The following QARS1 variants were observed in gnomAD, a reference collection of about 807,000 sequenced individuals.
QARS1 encodes the protein glutaminyl-tRNA synthetase 1.
Under a neutral mutation model 106.9 loss-of-function variants are expected in QARS1, and 79 were observed. The observed-to-expected ratio is 0.74, with a 90% CI of 0.62 to 0.89. The LOEUF (loss-of-function observed/expected upper bound fraction) is 0.89, where lower values mean the gene tolerates loss of function less well. QARS1 is among the 40% of genes least tolerant of loss of function. QARS1 has a pLI of 0.00. For missense variants in QARS1, 966 were observed against 997.2 expected (o/e 0.97, Z 0.42); for synonymous variants, 395 against 367.7 (o/e 1.07, Z -0.85).
At position 49,104,343 on chromosome 3, in the gene QARS1, G is replaced by T; in HGVS notation, c.246C>A (p.His82Gln). ...LVSYIASKKI[H>Q]TEPQLSAALE... ...TCTCACCGCTTAGCTGGGGCTCAGT[G>T]TGGATCTTCTTACTGGCTATGTAGC... Residue 82 changes from histidine to glutamine, a missense_variant, in exon 2 of 24, where the codon CAC (histidine) becomes CAA (glutamine). Coordinates refer to ENST00000306125, the MANE Select transcript of QARS1 (RefSeq NM_005051.3). 2 of 1,614,228 alleles carry T rather than the reference G, an allele frequency of 1.2e-6. No individual in the cohort carries two copies. The highest frequency in any genetic ancestry group is 3.3e-5 in the Admixed American group (2 of 60,030).
intron 10 of QARS1, 156 bp from the exon 11 acceptor site, chr3:49,100,830 A>G: frequency 1.4e-6 from 1 of 722,418 alleles, no homozygotes; most frequent in Non-Finnish European, 2.5e-6. Context: ...GGCTCACTGC[A>G]GCCTCCACCT....
rs1274012132 is a variant in QARS1 at position 49,098,744 on chromosome 3, G to T, written c.1864-52C>A. The T allele has an allele frequency of 1.1e-5, 17 of 1,528,362 alleles. 1 individual carries two copies. Among genetic ancestry groups the T allele is most frequent in the Non-Finnish European group, 1.5e-5 (17 of 1,124,272 alleles). 94.7% of individuals were successfully genotyped at this position (1,528,362 alleles called of 1,614,324 possible). ...ATGAGGCTGCAAGGGTCAAACAAGT[G>T]GGGAAGCTTCCCTACCCCCGTGTCT... On this transcript the variant is annotated intron_variant, in intron 19 of 23. Transcript: ENST00000306125.
At chr3:49,096,310 G>T (rs185650596) in intron 23 of QARS1, among the ~76,000 whole-genome samples, 8 of 152,342 alleles carry the variant, frequency 5.3e-5, no homozygotes, top group African/African-American at 1.7e-4. Context: ...TGGGGGTCCA[G>T]GGTATAGTTT....
chr3:49,098,381 T>G lies in QARS1; in HGVS notation c.2056A>C (p.Met686Leu). The change falls in exon 21 of 24, where the codon ATG (methionine) becomes CTG (leucine). Residue 686 changes from methionine to leucine, a missense_variant. By Grantham distance (15) the Met-to-Leu change is conservative. Transcript: ENST00000306125. ...CGCTCATAGAGGCGAACCTCACACA[T>G]CAAAGGCTGTGACACCCAGTGAATA... is the stretch of plus-strand genomic sequence containing the variant. ...AFIHWVSQPL[M>L]CEVRLYERLF... 6.2e-7 allele frequency: 1 copy of G among 1,614,068 alleles called. No individual in the cohort carries two copies. The highest frequency in any genetic ancestry group is 8.5e-7 in the Non-Finnish European group (1 of 1,179,998).
chr3:49,098,586 C>T lies in QARS1; in HGVS notation c.1956+14G>A. On this transcript the variant is annotated intron_variant, in intron 20 of 23. Transcript: ENST00000306125. ...AGCAGGCACTGCAGTAGGAAGGCTG[C>T]AGCTGGCTCTCACCTTGACAACATG... The T allele has an allele frequency of 1.2e-6, 2 of 1,607,494 alleles. No individual in the cohort carries two copies. Among genetic ancestry groups the T allele is most frequent in the South Asian group, 1.1e-5 (1 of 90,306 alleles).
chr3:49,098,809 T>G (rs2042426733), intron 19 of QARS1, 76 bp downstream of exon 19: 5 of 1,499,592 alleles, frequency 3.3e-6, no homozygotes, highest in African/African-American at 1.4e-5. Flanking sequence ...GTAGATGGAC[T>G]GACAGAGATG....
At position 49,099,767 on chromosome 3, in the gene QARS1, T is replaced by C. The variant is rs1034806136; in HGVS notation, c.1382A>G (p.Gln461Arg). Reference sequence around the variant, plus strand: ...ATGGACCCAGCTCCCTCACCGGGCCTGGAATTCCTTGGTGCAGAGTGAGTG... The same window carrying C: ...ATGGACCCAGCTCCCTCACCGGGCCCGGAATTCCTTGGTGCAGAGTGAGTG... The part of the protein sequence containing the change: ...ITHSLCTKEF[Q>R]ARRSSYFWLC... Residue 461 changes from glutamine (Q) to arginine (R), a missense_variant, in exon 15 of 24, where the codon CAG becomes CGG. Physicochemically the swap from Gln to Arg is conservative, Grantham distance 43 (BLOSUM62 1). Transcript: ENST00000306125. The C allele has an allele frequency of 1.9e-6, 3 of 1,613,952 alleles. No individual in the cohort carries two copies. In the Admixed American group the frequency reaches 5.0e-5, roughly 27 times the overall value.
chr3:49,099,439 TAAG>T lies in QARS1; in HGVS notation c.1527-11_1527-9del. On this transcript the variant is annotated splice_polypyrimidine_tract_variant and intron_variant, in intron 16 of 23. Coordinates refer to ENST00000306125, the MANE Select transcript of QARS1 (RefSeq NM_005051.3). The stretch of plus-strand genomic sequence containing the variant: ...CGTGGGTCATCCCAGTCCCTGTGGA[TAAG>T]AAGGTGGTGAGAAGGCCTTTGGGAG... 1 of 1,614,154 alleles carries T rather than the reference TAAG, an allele frequency of 6.2e-7. No homozygotes were observed. The highest frequency in any genetic ancestry group is 2.2e-5 in the East Asian group (1 of 44,882).
rs1559967769 is a variant in QARS1 at position 49,100,086 on chromosome 3, C to T, written c.1170G>A (p.Met390Ile). 5 of 1,614,134 alleles carry T rather than the reference C, an allele frequency of 3.1e-6. No homozygotes were observed. In the Admixed American group the frequency reaches 5.0e-5, roughly 16 times the overall value. The change falls in exon 14 of 24, where the codon ATG becomes ATA. Residue 390 changes from methionine to isoleucine, a missense_variant. Transcript: ENST00000306125. The part of the protein sequence containing the change: ...MEESLLLFEA[M>I]RKGKFSEGEA... Reference sequence around the variant, plus strand: ...CGCCCTCTGAAAACTTGCCCTTGCGCATTGCCTGAGGGGAACAAGGACTCA... The same window carrying T: ...CGCCCTCTGAAAACTTGCCCTTGCGTATTGCCTGAGGGGAACAAGGACTCA...
At chr3:49,101,063 C>G (rs1190568670) in intron 10 of QARS1, among the ~76,000 whole-genome samples, 9 of 152,206 alleles carry the variant, frequency 5.9e-5, no homozygotes, top group Non-Finnish European at 1.3e-4. Context: ...TTAAAAATGT[C>G]TTCAAGAGCT....
chr3:49,096,806 A>C (rs1287312147), intron 23 of QARS1, among the ~76,000 whole-genome samples: 148 of 106,292 alleles, frequency 1.4e-3, no homozygotes, highest in African/African-American at 5.1e-3. Context: ...CTCAAAAAAA[A>C]AAAAAAAAAA....
chr3:49,101,509 TCC>T (rs2042470982), intron 9 of QARS1, 68 bp from the exon 10 acceptor site: 1 of 1,566,128 alleles, frequency 6.4e-7, no homozygotes, highest in Admixed American at 1.7e-5. Context: ...AAACAGATGT[TCC>T]CTCCCAGGAA....
chr3:49,103,275 C>T (rs1329729603), intron 5 of QARS1, 70 bp downstream of exon 5: 5 of 1,526,540 alleles, frequency 3.3e-6, no homozygotes, highest in Middle Eastern at 1.7e-4. Flanking sequence ...TGCCTTTTAT[C>T]CCTTAGTGGA....
rs957599864 is a variant in QARS1 at position 49,099,804 on chromosome 3, C to T, written c.1345G>A (p.Glu449Lys). The T allele has an allele frequency of 2.1e-5, 34 of 1,613,832 alleles. No individual in the cohort carries two copies. The highest frequency in any genetic ancestry group is 4.0e-5 in the African/African-American group (3 of 74,868). ...GTGCAGAGTGAGTGAGTGATGTGCT[C>T]GATGGAGTCACAGAGGCAGTGTGTG... ...DYTHCLCDSI[E>K]HITHSLCTKE... is the part of the protein sequence containing the mutation. Residue 449 changes from glutamate (E) to lysine (K), a missense_variant, in exon 15 of 24, where the codon GAG (glutamate) becomes AAG (lysine). By Grantham distance (56) the Glu-to-Lys change is moderately conservative. Coordinates refer to ENST00000306125, the MANE Select transcript of QARS1 (RefSeq NM_005051.3).
At chr3:49,098,757 T>C (rs1293369835) in intron 19 of QARS1, 65 bp from the exon 20 acceptor site, 4 of 1,490,150 alleles carry the variant, frequency 2.7e-6, no homozygotes, top group Non-Finnish European at 3.7e-6. Flanking sequence ...GAAGCTTCCC[T>C]ACCCCCGTGT....
rs777778390 is a variant in QARS1, at chr3:49,103,694, T to C, written c.388A>G (p.Ile130Val). ...AGGAGCTGGGGCCGGTGCCTGTTAA[T>C]AGCAGCCTCCACCTGCAGAAAGCCA... ...EQIEEAVEAA[I>V]NRHRPQLLVE... The change falls in exon 4 of 24, where the codon ATT becomes GTT. Residue 130 changes from isoleucine (I) to valine (V), a missense_variant. Transcript: ENST00000306125. 4.3e-6 allele frequency: 7 copies of C among 1,613,682 alleles called. No individual in the cohort carries two copies. The Admixed American group carries it at 1.0e-4, about 23-fold the overall frequency.
chr3:49,099,847 G>C lies in QARS1; in HGVS notation c.1302C>G (p.Ile434Met). ...PHHRTGDKWC[I>M]YPTYDYTHCL... ...AGTGTGTGTAGTCGTAGGTGGGATA[G>C]ATGCACCTGTGGGGCATAGGCAGTG... Residue 434 changes from isoleucine (I) to methionine (M), a missense_variant, in exon 15 of 24, where the codon ATC becomes ATG. Transcript: ENST00000306125. 1 of 1,612,722 alleles carries C rather than the reference G, an allele frequency of 6.2e-7. No individual in the cohort carries two copies. The highest frequency in any genetic ancestry group is 8.5e-7 in the Non-Finnish European group (1 of 1,179,570).
intron 20 of QARS1, 47 bp downstream of exon 20, chr3:49,098,553 T>C (rs747462635): frequency 2.9e-5 from 47 of 1,610,286 alleles, no homozygotes; most frequent in Non-Finnish European, 4.0e-5. Context: ...TACTCACATC[T>C]TGGCCCCAGC....
Position 49,104,349 on chromosome 3 carries a change from C to T in QARS1, c.240G>A (p.Lys80=). 1 of 1,614,218 alleles carries T rather than the reference C, an allele frequency of 6.2e-7. No homozygotes were observed. The highest frequency in any genetic ancestry group is 8.5e-7 in the Non-Finnish European group (1 of 1,180,036). The part of the protein sequence containing the change: ...SFLVSYIASK[K]IHTEPQLSAA... ...CGCTTAGCTGGGGCTCAGTGTGGATCTTCTTACTGGCTATGTAGCTTACAA... is the reference window on the plus strand; with the variant it reads ...CGCTTAGCTGGGGCTCAGTGTGGATTTTCTTACTGGCTATGTAGCTTACAA... The change falls in exon 2 of 24, where the codon AAG becomes AAA. Residue 80 remains lysine, a synonymous_variant. Transcript: ENST00000306125.
Sources: allele counts gnomAD v4.1 joint callset (sites outside exome capture counted in the v4.1 genomes callset), GRCh38; gene constraint gnomAD v4.1.1; transcripts MANE v1.5; gene names NCBI Gene and HGNC (gene_info 2026-07-23, HGNC 2026-07-21).